The following GCA variants were observed in gnomAD, a reference collection of about 807,000 sequenced individuals.
GCA encodes the protein grancalcin, EF-hand calcium-binding protein.
GCA carries 30 observed loss-of-function variants against 32.6 expected under a neutral mutation model. The ratio of observed to expected loss-of-function variants is 0.92; its 90% CI spans 0.69 to 1.25. GCA has a LOEUF of 1.25. GCA is among the 50% of genes most tolerant of loss of function. GCA has a pLI of 0.00. For missense variants in GCA, 291 were observed against 266.8 expected (o/e 1.09, Z -0.63); for synonymous variants, 102 against 84.6 (o/e 1.21, Z -1.13).
downstream of GCA, among the ~76,000 whole-genome samples, chr2:162,372,846 A>G (rs527620635): frequency 6.6e-6 from 1 of 152,276 alleles, no homozygotes; most frequent in Admixed American, 6.5e-5. Flanking sequence ...ACATAATTCA[A>G]AAGGACCCCT....
intron 7 of GCA, 81 bp downstream of exon 7, chr2:162,359,633 C>T: frequency 1.5e-6 from 1 of 647,842 alleles, no homozygotes; most frequent in Admixed American, 2.5e-5. Context: ...TCCCAAGTAC[C>T]AGTACTGGAA....
intron 1 of GCA, 125 bp downstream of exon 1, chr2:162,344,400 G>A: frequency 1.1e-6 from 1 of 908,464 alleles, no homozygotes; most frequent in South Asian, 1.5e-5. Context: ...ACTCGGCGGC[G>A]CCGGATTCCG....
At position 162,361,154 on chromosome 2, in the gene GCA, A is replaced by G. The variant is rs1685553783; in HGVS notation, c.*911A>G. ...AGAAATTTTACATTTGACTTATTTG[A>G]CAACATTAACATTAGTGGTGGCTTT... On this transcript the variant is annotated 3_prime_UTR_variant, in exon 8 of 8. Coordinates refer to ENST00000437150, the MANE Select transcript of GCA (RefSeq NM_012198.5). 2.0e-6 allele frequency: 2 copies of G among 983,826 alleles called. No individual in the cohort carries two copies. The highest frequency in any genetic ancestry group is 3.5e-5 in the African/African-American group (2 of 57,174). The allele number at this position is 983,826 out of a possible 1,614,324, so 60.9% of individuals were successfully genotyped here.
At chr2:162,333,210 G>A (rs374105155) in intron 1 of GCA, among the ~76,000 whole-genome samples, 18 of 152,134 alleles carry the variant, frequency 1.2e-4, no homozygotes, top group African/African-American at 4.1e-4. Flanking sequence ...AGGTGGGAAA[G>A]GGACTTCAAT....
chr2:162,334,264 A>AT (rs369397854), intron 1 of GCA, among the ~76,000 whole-genome samples: 6,986 of 148,808 alleles, frequency 0.047, 212 homozygotes, highest in Admixed American at 0.069. Context: ...ACAATTATAG[A>AT]TTTTTTTTTT....
chr2:162,359,250 G>A, intron 6 of GCA, 93 bp downstream of exon 6: 4 of 753,604 alleles, frequency 5.3e-6, no homozygotes, highest in South Asian at 3.2e-5. Context: ...ATAATAATAT[G>A]TGTTTTCTCC....
At chr2:162,367,882 T>C (rs963751362), downstream of GCA, among the ~76,000 whole-genome samples, 48 of 152,002 alleles carry the variant, frequency 3.2e-4, no homozygotes, top group Admixed American at 3.0e-3. Flanking sequence ...ACCATTGCCT[T>C]ATTTTTAGAG....
chr2:162,351,435 A>T (rs761161401), intron 2 of GCA, among the ~76,000 whole-genome samples: 1 of 152,198 alleles, frequency 6.6e-6, no homozygotes, highest in Non-Finnish European at 1.5e-5. Context: ...TCAGCTTTCT[A>T]CCGCTAATGC....
At position 162,352,421 on chromosome 2, in the gene GCA, TC is replaced by T; in HGVS notation, c.262+18del. The stretch of plus-strand genomic sequence containing the variant: ...GAACTTACTCTCGTGAGATCTTTTT[TC>T]CCCTTTTGTTGAAATTATAATAGGA... On this transcript the variant is annotated intron_variant, in intron 3 of 7. Coordinates refer to ENST00000437150, the MANE Select transcript of GCA (RefSeq NM_012198.5). 1 of 1,448,966 alleles carries T rather than the reference TC, an allele frequency of 6.9e-7. No individual in the cohort carries two copies. The highest frequency in any genetic ancestry group is 9.6e-7 in the Non-Finnish European group (1 of 1,036,350). 89.8% of individuals were successfully genotyped at this position (1,448,966 alleles called of 1,614,324 possible). A position where few individuals can be genotyped will look rare whatever the true frequency, so the allele number is the denominator to read the frequency against.
chr2:162,357,827 G>A (rs758438839), intron 5 of GCA, among the ~76,000 whole-genome samples: 2 of 151,448 alleles, frequency 1.3e-5, no homozygotes, highest in Non-Finnish European at 3.0e-5. Context: ...GTTCCCGTTA[G>A]GCAGTGGAAT....
In GCA at chr2:162,361,023, T is replaced by A; in HGVS notation, c.*780T>A. 3.0e-6 allele frequency: 3 copies of A among 1,016,168 alleles called. No individual in the cohort carries two copies. Among genetic ancestry groups the A allele is most frequent in the Non-Finnish European group, 3.6e-6 (3 of 835,562 alleles). The allele number at this position is 1,016,168 out of a possible 1,614,324, so 62.9% of individuals were successfully genotyped here. A position where few individuals can be genotyped will look rare whatever the true frequency, so the allele number is the denominator to read the frequency against. On this transcript the variant is annotated 3_prime_UTR_variant, in exon 8 of 8. Transcript: ENST00000437150. ...TTTTAGAAATGGCATATGTTTTTGA[T>A]GATATGTCAACATTCAAAATTGTCC... is the stretch of plus-strand genomic sequence containing the variant.
intron 1 of GCA, among the ~76,000 whole-genome samples, chr2:162,331,260 G>A (rs1558885994): frequency 6.6e-6 from 1 of 152,180 alleles, no homozygotes; most frequent in Non-Finnish European, 1.5e-5. Context: ...CTGTGCATCA[G>A]GTGATTCAAA....
chr2:162,321,825 A>G (rs1400974982), intron 1 of GCA, among the ~76,000 whole-genome samples: 1 of 149,812 alleles, frequency 6.7e-6, no homozygotes, highest in Non-Finnish European at 1.5e-5. Flanking sequence ...ATTAAAGAAG[A>G]GATGGTGCGG....
At chr2:162,326,525 C>CT (rs947446862) in intron 1 of GCA, among the ~76,000 whole-genome samples, 70 of 151,164 alleles carry the variant, frequency 4.6e-4, no homozygotes, top group African/African-American at 1.2e-3. Flanking sequence ...TTTTTCTTTT[C>CT]TTTTTTTTTG....
intron 2 of GCA, among the ~76,000 whole-genome samples, chr2:162,350,650 C>T (rs1235168932): frequency 6.6e-6 from 1 of 152,006 alleles, no homozygotes; most frequent in Non-Finnish European, 1.5e-5. Context: ...TATTTGGAAA[C>T]TCTTTTTGAC....
At chr2:162,319,088 T>A (rs948871290) in exon 1 of GCA, 7 of 450,240 alleles carry the variant, frequency 1.6e-5, no homozygotes, top group African/African-American at 1.2e-4. Flanking sequence ...GTGGTGAGAC[T>A]GCGAGGGACA....
chr2:162,358,418 T>C (rs1685394153), intron 5 of GCA, among the ~76,000 whole-genome samples: 1 of 151,422 alleles, frequency 6.6e-6, no homozygotes, highest in Non-Finnish European at 1.5e-5. Flanking sequence ...CTCATTGATA[T>C]AAGTAAAAAT....
At chr2:162,337,581 C>T (rs910238362) in intron 1 of GCA, among the ~76,000 whole-genome samples, 4 of 152,092 alleles carry the variant, frequency 2.6e-5, no homozygotes, top group Admixed American at 1.3e-4. Flanking sequence ...ACAAGGAAAG[C>T]GTTTAAGGTA....
chr2:162,371,537 CA>C, exon 5 of GCA: 1 of 1,031,428 alleles, frequency 9.7e-7, no homozygotes, highest in African/African-American at 1.6e-5. Flanking sequence ...AGTCTCCATG[CA>C]AGAGAAATTG....
Sources: allele counts gnomAD v4.1 joint callset (sites outside exome capture counted in the v4.1 genomes callset), GRCh38; gene constraint gnomAD v4.1.1; transcripts MANE v1.5; gene names NCBI Gene and HGNC (gene_info 2026-07-23, HGNC 2026-07-21).